The following POP4 variants were observed in gnomAD, a reference collection of about 807,000 sequenced individuals.
The protein encoded by POP4 is POP4 ribonuclease P/MRP subunit, also known as ribonuclease P protein subunit p29.
A neutral mutation model predicts 29.9 loss-of-function variants in POP4; 31 were observed. The observed-to-expected ratio is 1.04, with a 90% CI of 0.78 to 1.40. POP4 has a LOEUF of 1.40. Ranked by LOEUF, POP4 falls within the 40% of genes most tolerant of loss-of-function variation. The pLI, the probability that POP4 is intolerant of heterozygous loss-of-function variation, is 0.00. For synonymous variants in POP4, 110 were observed against 108.2 expected, an observed-to-expected ratio of 1.02 and a Z score of -0.10; for missense variants, 286 against 282.7, an observed-to-expected ratio of 1.01 and a Z score of -0.08.
intron 6 of POP4, among the ~76,000 whole-genome samples, chr19:29,614,334 T>TG (rs1971107059): frequency 2.0e-5 from 3 of 152,002 alleles, no homozygotes. Flanking sequence ...GAAACAGGAG[T>TG]GGCGCCTGTC....
At chr19:29,608,817 C>A in intron 2 of POP4, 108 bp downstream of exon 2, 1 of 1,059,392 alleles carries the variant, frequency 9.4e-7, no homozygotes, top group South Asian at 1.3e-5. Flanking sequence ...ACATCATACT[C>A]CTCATTTTTC....
At position 29,615,679 on chromosome 19, in the gene POP4, T is replaced by G; in HGVS notation, c.*299T>G. 2 of 282,898 alleles carry G rather than the reference T, an allele frequency of 7.1e-6. No individual in the cohort carries two copies. The highest frequency in any genetic ancestry group is 6.6e-6 in the Non-Finnish European group (1 of 150,474). The allele number at this position is 282,898 out of a possible 1,614,324, so 17.5% of individuals were successfully genotyped here. ...ACACTGGTTGACTTGAATAGGATTA[T>G]TCGATTTTTAAAAATACTTTTCCAT... On this transcript the variant is annotated 3_prime_UTR_variant, in exon 7 of 7. Coordinates refer to ENST00000585603, the MANE Select transcript of POP4 (RefSeq NM_006627.3).
In POP4 at chr19:29,615,275, G is replaced by A; in HGVS notation, c.558G>A (p.Val186=). The stretch of plus-strand genomic sequence containing the variant: ...CCAAGCTAAACTGCGTGTTCACTGT[G>A]GAAACCGATGGCTTTATTTCCTACA... The part of the protein sequence containing the change: ...VIPKLNCVFT[V]ETDGFISYIY... Residue 186 remains valine, a synonymous_variant, in exon 7 of 7, where the codon GTG becomes GTA. Coordinates refer to ENST00000585603, the MANE Select transcript of POP4 (RefSeq NM_006627.3). The A allele has an allele frequency of 6.3e-7, 1 of 1,598,430 alleles. No individual in the cohort carries two copies. Among genetic ancestry groups the A allele is most frequent in the Non-Finnish European group, 8.5e-7 (1 of 1,172,926 alleles).
At chr19:29,608,557 A>G (rs925866453) in intron 1 of POP4, 100 bp from the exon 2 acceptor site, 31 of 1,239,882 alleles carry the variant, frequency 2.5e-5, no homozygotes, top group Non-Finnish European at 3.6e-5. Context: ...GGTATGAGCC[A>G]CTGCGCCTAG....
At chr19:29,610,109 T>C in intron 2 of POP4, 1 of 397,798 alleles carries the variant, frequency 2.5e-6, no homozygotes, top group South Asian at 3.9e-5. Context: ...TTCTTCAAGA[T>C]AGAAAGGTTT....
rs927882077 is a variant in POP4, at chr19:29,616,528, A to G, written c.*1148A>G. The G allele has an allele frequency of 5.3e-5, 8 of 152,276 alleles. No homozygotes were observed. Among genetic ancestry groups the G allele is most frequent in the Admixed American group, 5.2e-4 (8 of 15,270 alleles). The allele number at this position is 152,276 out of a possible 1,614,324, so 9.4% of individuals were successfully genotyped here. A position where few individuals can be genotyped will look rare whatever the true frequency, so the allele number is the denominator to read the frequency against. ...GGGCTTTGCGTTTCTGGTAACTTCC[A>G]CCCAAACCACACCAGAGAGAAACAC... On this transcript the variant is annotated 3_prime_UTR_variant, in exon 7 of 7. Coordinates refer to ENST00000585603, the MANE Select transcript of POP4 (RefSeq NM_006627.3).
At chr19:29,607,794 T>C (rs949341528) in intron 1 of POP4, among the ~76,000 whole-genome samples, 1 of 152,272 alleles carries the variant, frequency 6.6e-6, no homozygotes, top group Non-Finnish European at 1.5e-5. Flanking sequence ...CACATTATAA[T>C]TTCATATTAA....
intron 6 of POP4, among the ~76,000 whole-genome samples, chr19:29,614,989 G>A (rs974188170): frequency 6.6e-6 from 1 of 152,156 alleles, no homozygotes; most frequent in African/African-American, 2.4e-5. Context: ...GGGACTTTCT[G>A]GTTCTGGGAA....
intron 5 of POP4, among the ~76,000 whole-genome samples, chr19:29,612,537 C>T (rs1160041020): frequency 6.6e-6 from 1 of 152,186 alleles, no homozygotes; most frequent in Non-Finnish European, 1.5e-5. Context: ...CTACACCTGA[C>T]AGCCCCCAAG....
chr19:29,606,526 T>G, intron 1 of POP4: 1 of 542,262 alleles, frequency 1.8e-6, no homozygotes. Context: ...GGGAGGGATG[T>G]CAGGGCTGGA....
Position 29,608,175 on chromosome 19 carries a change from A to T in POP4, c.8-482A>T, listed in dbSNP as rs572395906. On this transcript the variant is annotated intron_variant, in intron 1 of 6. Coordinates refer to ENST00000585603, the MANE Select transcript of POP4 (RefSeq NM_006627.3). ...GGCATCCAAGAAAGCTTTGCTCTTA[A>T]TACCAACCTCATCTTCTCCTATCTC... 2.6e-5 allele frequency among the ~76,000 whole-genome samples: 4 copies of T among 152,032 alleles called. No homozygotes were observed. In the South Asian group the frequency reaches 8.3e-4, roughly 32 times the overall value.
intron 6 of POP4, among the ~76,000 whole-genome samples, chr19:29,614,809 C>T (rs1599488369): frequency 6.6e-6 from 1 of 152,130 alleles, no homozygotes; most frequent in Admixed American, 6.6e-5. Flanking sequence ...CAGCCTTCTT[C>T]CTTTAATTTT....
intron 3 of POP4, chr19:29,611,419 T>G: frequency 5.3e-6 from 1 of 189,384 alleles, no homozygotes; most frequent in South Asian, 9.6e-5. Context: ...GCTGTTGGGG[T>G]CCTTGCCCCT....
At chr19:29,614,164 A>T (rs1971105525) in intron 6 of POP4, among the ~76,000 whole-genome samples, 192 bp downstream of exon 6, 1 of 152,214 alleles carries the variant, frequency 6.6e-6, no homozygotes, top group Admixed American at 6.5e-5. Flanking sequence ...GGTGTGTGTC[A>T]GTGCAGCCTG....
In POP4 at chr19:29,612,150, G is replaced by A; in HGVS notation, c.396G>A (p.Lys132=). The A allele has an allele frequency of 1.2e-6, 2 of 1,611,178 alleles. No individual in the cohort carries two copies. Among genetic ancestry groups the A allele is most frequent in the Non-Finnish European group, 8.5e-7 (1 of 1,179,200 alleles). ...QPQMIQAKLL[K]ADLHGAIISV... is the part of the protein sequence containing the mutation. Reference sequence around the variant, plus strand: ...AGATGATTCAGGCCAAGCTCTTAAAGGCAGATCTTCACGGGGCTATTATTT... The same window carrying A: ...AGATGATTCAGGCCAAGCTCTTAAAAGCAGATCTTCACGGGGCTATTATTT... Residue 132 remains lysine (K), a synonymous_variant, in exon 5 of 7, where the codon AAG becomes AAA. Transcript: ENST00000585603.
chr19:29,613,923 G>A lies in POP4; in HGVS notation c.477G>A (p.Gln159=), dbSNP rs1239131248. The A allele has an allele frequency of 1.2e-6, 2 of 1,613,678 alleles. No individual in the cohort carries two copies. The highest frequency in any genetic ancestry group is 1.7e-6 in the Non-Finnish European group (2 of 1,179,924). The change falls in exon 6 of 7, where the codon CAG becomes CAA. Residue 159 remains glutamine, a synonymous_variant. Transcript: ENST00000585603. ...TGGGTATTACAGGAATCCTTCTACA[G>A]GAAACAAAGCACATTTTCAAAATTA... ...SYVGITGILL[Q]ETKHIFKIIT...
At chr19:29,607,047 T>C (rs1349317955) in intron 1 of POP4, among the ~76,000 whole-genome samples, 1 of 152,168 alleles carries the variant, frequency 6.6e-6, no homozygotes, top group Non-Finnish European at 1.5e-5. Context: ...GCCCCGCAAG[T>C]TGCTCTCTAC....
chr19:29,615,444 C>T lies in POP4; in HGVS notation c.*64C>T. 1 of 1,537,330 alleles carries T rather than the reference C, an allele frequency of 6.5e-7. No individual in the cohort carries two copies. The highest frequency in any genetic ancestry group is 1.7e-4 in the Middle Eastern group (1 of 5,820). ...AAACTGGACACTCCCTAAATGTCCA[C>T]CTTTCAGTGAAGAGATAGTTAAGCC... On this transcript the variant is annotated 3_prime_UTR_variant, in exon 7 of 7. Transcript: ENST00000585603.
intron 2 of POP4, 65 bp from the exon 3 acceptor site, chr19:29,610,344 A>T: frequency 7.1e-7 from 1 of 1,414,218 alleles, no homozygotes; most frequent in Non-Finnish European, 9.4e-7. Flanking sequence ...GGCGGGCGGG[A>T]TGCCTGGGAT....
Sources: allele counts gnomAD v4.1 joint callset (sites outside exome capture counted in the v4.1 genomes callset), GRCh38; gene constraint gnomAD v4.1.1; transcripts MANE v1.5; gene names NCBI Gene and HGNC (gene_info 2026-07-23, HGNC 2026-07-21).